Variants in ATP6AP2 observed in about 807,000 individuals in gnomAD.
The protein encoded by ATP6AP2 is ATPase H+ transporting accessory protein 2.
Under a neutral mutation model 23.4 loss-of-function variants are expected in ATP6AP2, and 1 was observed. The observed-to-expected ratio is 0.04, with a 90% CI of 0.02 to 0.20. ATP6AP2 has a LOEUF of 0.20. Among genes scored for constraint, ATP6AP2 ranks in the 10% least tolerant of loss-of-function variants. The pLI is 1.00. For synonymous variants in ATP6AP2, 90 were observed against 97.1 expected (o/e 0.93, Z 0.43); for missense variants, 174 against 271.3 (o/e 0.64, Z 2.52).
At position 40,597,604 on chromosome X, in the gene ATP6AP2, G is replaced by A. The variant is rs963044963; in HGVS notation, c.474G>A (p.Leu158=). The A allele has an allele frequency of 5.8e-6, 7 of 1,208,227 alleles. No individual in the cohort carries two copies. The highest frequency in any genetic ancestry group is 5.6e-6 in the Non-Finnish European group (5 of 893,536). The change falls in exon 5 of 9, where the codon CTG becomes CTA. Residue 158 remains leucine (L), a synonymous_variant. Transcript: ENST00000636580. ...SVTLRQLRNR[L]FQENSVLSSL... ...CCTTGCGCCAGCTCCGTAATCGCCT[G>A]TTTCAAGAAAACTCTGTTCTCAGTT...
At chrX:40,582,440 A>G (rs1300785563) in intron 1 of ATP6AP2, among the ~76,000 whole-genome samples, 1 of 111,655 alleles carries the variant, frequency 9.0e-6, no homozygotes, top group Non-Finnish European at 1.9e-5. Context: ...AAGCAAAAAC[A>G]AACATACAAA....
intron 8 of ATP6AP2, among the ~76,000 whole-genome samples, chrX:40,602,726 T>C (rs1339254350): frequency 9.4e-6 from 1 of 106,438 alleles, no homozygotes; most frequent in Non-Finnish European, 1.9e-5. Context: ...CAAGAGTCCT[T>C]TGGTGCCTTG....
chrX:40,587,817 T>C (rs1462206181), intron 1 of ATP6AP2, among the ~76,000 whole-genome samples: 3 of 112,270 alleles, frequency 2.7e-5, no homozygotes, highest in African/African-American at 9.7e-5. Context: ...AGTTTGAGGC[T>C]GCAGTGAGTC....
chrX:40,584,213 A>G (rs999256295), intron 1 of ATP6AP2, among the ~76,000 whole-genome samples: 1 of 110,505 alleles, frequency 9.0e-6, no homozygotes, highest in African/African-American at 3.3e-5. Flanking sequence ...AGTAGCTGGG[A>G]CCACAGGCGC....
Position 40,605,959 on chromosome X carries a change from A to G in ATP6AP2, c.*204A>G, listed in dbSNP as rs921170036. 1 of 393,774 alleles carries G rather than the reference A, an allele frequency of 2.5e-6. No homozygotes were observed. The highest frequency in any genetic ancestry group is 4.4e-6 in the Non-Finnish European group (1 of 229,662). The allele number at this position is 393,774 out of a possible 1,213,427, so 32.5% of individuals were successfully genotyped here. A position where few individuals can be genotyped will look rare whatever the true frequency, so the allele number is the denominator to read the frequency against. On this transcript the variant is annotated 3_prime_UTR_variant, in exon 9 of 9. Coordinates refer to ENST00000636580, the MANE Select transcript of ATP6AP2 (RefSeq NM_005765.3). The stretch of plus-strand genomic sequence containing the variant: ...TGAATCCCACTGTGGTATAGATTCC[A>G]TAATATGCTTGAATATTATGATATA...
chrX:40,600,253 G>T (rs1306695459), intron 7 of ATP6AP2: 3 of 126,763 alleles, frequency 2.4e-5, no homozygotes, highest in Non-Finnish European at 4.8e-5. Flanking sequence ...TCCTTTCAGT[G>T]AGGCTTCATA....
chrX:40,592,596 C>T (rs902050092), intron 3 of ATP6AP2: 5 of 112,286 alleles, frequency 4.5e-5, no homozygotes, highest in Admixed American at 1.9e-4. Flanking sequence ...TTAGCTGATA[C>T]TTCAAAATAT....
chrX:40,597,777 G>A, intron 5 of ATP6AP2, 113 bp downstream of exon 5: 1 of 839,788 alleles, frequency 1.2e-6, no homozygotes, highest in Non-Finnish European at 1.7e-6. Flanking sequence ...CTGGCCTCAA[G>A]CAATCCTGTC....
chrX:40,592,188 A>G (rs1290824941), intron 3 of ATP6AP2: 1 of 112,679 alleles, frequency 8.9e-6, no homozygotes, highest in African/African-American at 3.2e-5. Flanking sequence ...CCATAGGGAC[A>G]TCTCCATAGC....
intron 8 of ATP6AP2, 64 bp from the exon 9 acceptor site, chrX:40,605,497 A>G: frequency 1.0e-6 from 1 of 962,956 alleles, no homozygotes; most frequent in Non-Finnish European, 1.5e-6. Flanking sequence ...CAGTCACTAG[A>G]CTGGGATAAT....
intron 8 of ATP6AP2, among the ~76,000 whole-genome samples, chrX:40,601,706 T>C (rs187365128): frequency 8.9e-6 from 1 of 111,923 alleles, no homozygotes; most frequent in East Asian, 2.8e-4. Context: ...TTGCAGCAGA[T>C]AGATATCCAC....
In ATP6AP2 at chrX:40,593,663, C is replaced by T. The variant is rs758915821; in HGVS notation, c.300+2298C>T. Reference sequence around the variant, plus strand: ...CTGGGATTACAGGTGCATGCCACCACGCCCAGCTAATTTTTTGTATTTTTA... The same window carrying T: ...CTGGGATTACAGGTGCATGCCACCATGCCCAGCTAATTTTTTGTATTTTTA... On this transcript the variant is annotated intron_variant, in intron 3 of 8. Transcript: ENST00000636580. Among the ~76,000 whole-genome samples the T allele has an allele frequency of 2.8e-3, 305 of 109,796 alleles. 1 individual carries two copies. Among genetic ancestry groups the T allele is most frequent in the African/African-American group, 9.8e-3 (294 of 30,134 alleles).
At chrX:40,582,855 A>G (rs1457262891) in intron 1 of ATP6AP2, among the ~76,000 whole-genome samples, 2 of 112,065 alleles carry the variant, frequency 1.8e-5, no homozygotes, top group Non-Finnish European at 3.8e-5. Context: ...GCTTCTGCAC[A>G]TGGTTTGAAC....
Position 40,597,968 on chromosome X carries a change from C to T in ATP6AP2, c.534+304C>T, listed in dbSNP as rs138340279. ...TTATGACTCTCATGAATAAACTGAT[C>T]CTTTTTGTGAGTTGAGCTGTGGTAA... On this transcript the variant is annotated intron_variant, in intron 5 of 8. Coordinates refer to ENST00000636580, the MANE Select transcript of ATP6AP2 (RefSeq NM_005765.3). 417 of 264,160 alleles carry T rather than the reference C, an allele frequency of 1.6e-3. 4 individuals carry two copies. The highest frequency in any genetic ancestry group is 9.8e-3 in the African/African-American group (352 of 35,836). 21.8% of individuals were successfully genotyped at this position (264,160 alleles called of 1,213,427 possible).
chrX:40,586,117 CTTCA>C (rs1926462020), intron 1 of ATP6AP2, among the ~76,000 whole-genome samples: 1 of 111,423 alleles, frequency 9.0e-6, no homozygotes, highest in African/African-American at 3.3e-5. Flanking sequence ...TGAAGTGTGA[CTTCA>C]TTCATTCATT....
intron 3 of ATP6AP2, chrX:40,592,216 A>G (rs749846253): frequency 6.2e-5 from 7 of 112,948 alleles, no homozygotes; most frequent in African/African-American, 9.6e-5. Context: ...TCCTTTGGTC[A>G]AATACGGAAG....
intron 8 of ATP6AP2, among the ~76,000 whole-genome samples, chrX:40,602,297 T>C (rs1926936576): frequency 1.1e-5 from 1 of 93,675 alleles, no homozygotes; most frequent in Non-Finnish European, 2.0e-5. Context: ...AAAAAAAAAT[T>C]ACAAAAATAA....
Position 40,605,923 on chromosome X carries a change from T to C in ATP6AP2, c.*168T>C, listed in dbSNP as rs750215215. The stretch of plus-strand genomic sequence containing the variant: ...TGTGATGTTTTTCTAGAGTGAATTA[T>C]AGTATTGACGTGAATCCCACTGTGG... On this transcript the variant is annotated 3_prime_UTR_variant, in exon 9 of 9. Transcript: ENST00000636580. 1.1e-5 allele frequency: 5 copies of C among 468,058 alleles called. No homozygotes were observed. In the East Asian group the frequency reaches 1.1e-4, roughly 10 times the overall value. The allele number at this position is 468,058 out of a possible 1,213,427, so 38.6% of individuals were successfully genotyped here.
chrX:40,593,674 T>C (rs1195583763), intron 3 of ATP6AP2, among the ~76,000 whole-genome samples: 1 of 109,558 alleles, frequency 9.1e-6, no homozygotes, highest in African/African-American at 3.3e-5. Context: ...GCCCAGCTAA[T>C]TTTTTGTATT....
Sources: allele counts gnomAD v4.1 joint callset (sites outside exome capture counted in the v4.1 genomes callset), GRCh38; gene constraint gnomAD v4.1.1; transcripts MANE v1.5; gene names NCBI Gene and HGNC (gene_info 2026-07-23, HGNC 2026-07-21).